Variants in PCDHA9 observed in about 807,000 individuals in gnomAD.
PCDHA9 encodes protocadherin alpha-9.
In PCDHA9, 62 loss-of-function variants were observed where a neutral mutation model predicts 62.0. The observed-to-expected ratio is 1.00, with a 90% CI of 0.81 to 1.23. The LOEUF is 1.23. PCDHA9 is among the 50% of genes most tolerant of loss of function. The pLI is 0.00. For synonymous variants in PCDHA9, 557 were observed against 567.6 expected, an observed-to-expected ratio of 0.98 and a Z score of 0.27; for missense variants, 1,205 against 1,249.8, an observed-to-expected ratio of 0.96 and a Z score of 0.54.
rs554327220 is a variant in PCDHA9 at position 140,980,560 on chromosome 5, G to T, written c.2453+1553G>T. Reference sequence around the variant, plus strand: ...CAGGAGAATCGCTTGAACCCGGGAGGCGGAAGTTGCAGTGAGCCAAGATCG... The same window carrying T: ...CAGGAGAATCGCTTGAACCCGGGAGTCGGAAGTTGCAGTGAGCCAAGATCG... On this transcript the variant is annotated intron_variant, in intron 2 of 3. Coordinates refer to ENST00000532602, the MANE Select transcript of PCDHA9 (RefSeq NM_031857.2). Among the ~76,000 whole-genome samples the T allele has an allele frequency of 1.6e-4, 25 of 152,244 alleles. No individual in the cohort carries two copies. The East Asian group carries it at 4.6e-3, about 28-fold the overall frequency.
chr5:140,871,710 C>T (rs1306052156), intron 1 of PCDHA9: 4 of 826,486 alleles, frequency 4.8e-6, no homozygotes, highest in East Asian at 2.8e-5. Flanking sequence ...AATAAATGTC[C>T]TATTTCTCTT....
intron 1 of PCDHA9, among the ~76,000 whole-genome samples, chr5:140,902,680 C>T (rs943072063): frequency 3.9e-5 from 6 of 152,094 alleles, no homozygotes; most frequent in Admixed American, 6.5e-5. Context: ...GTACACCGTA[C>T]CTAATATGTG....
intron 1 of PCDHA9, among the ~76,000 whole-genome samples, chr5:140,976,553 A>G (rs1554237789): frequency 1.3e-5 from 2 of 152,074 alleles, no homozygotes; most frequent in Non-Finnish European, 2.9e-5. Context: ...CCTATCTCAT[A>G]AATAAATAAA....
At chr5:141,001,473 G>A (rs1172395730) in intron 3 of PCDHA9, among the ~76,000 whole-genome samples, 1 of 152,220 alleles carries the variant, frequency 6.6e-6, no homozygotes, top group African/African-American at 2.4e-5. Flanking sequence ...AAGCAGCAGC[G>A]GGGAAGTGCT....
rs2150500536 is a variant in PCDHA9, at chr5:140,850,854, G to C, written c.2359G>C (p.Gly787Arg). Residue 787 changes from glycine to arginine, a missense_variant, in exon 1 of 4, where the codon GGA becomes CGA. Transcript: ENST00000532602. ...SPCAGSTERT[G>R]EPSASSDSTG... ...TTGTGCTGGATCTACAGAGCGAACG[G>C]GAGAACCCTCTGCTTCCTCAGATTC... 60 of 1,595,366 alleles carry C rather than the reference G, an allele frequency of 3.8e-5. 3 individuals carry two copies. In the South Asian group the frequency reaches 6.2e-4, roughly 16 times the overall value.
chr5:140,882,720 G>T, intron 1 of PCDHA9: 2 of 1,614,198 alleles, frequency 1.2e-6, no homozygotes, highest in Non-Finnish European at 1.7e-6. Context: ...CCGGAAACTC[G>T]ATTTCCACTA....
intron 1 of PCDHA9, among the ~76,000 whole-genome samples, chr5:140,895,314 G>A (rs2064960648): frequency 6.6e-6 from 1 of 151,858 alleles, no homozygotes; most frequent in Non-Finnish European, 1.5e-5. Context: ...TTCCACCCAT[G>A]ACTATTGTTC....
At chr5:140,960,853 T>C (rs1554225072) in intron 1 of PCDHA9, among the ~76,000 whole-genome samples, 2 of 152,214 alleles carry the variant, frequency 1.3e-5, no homozygotes, top group Non-Finnish European at 1.5e-5. Flanking sequence ...ATGGCAACTA[T>C]AAGCCAGAAA....
intron 1 of PCDHA9, among the ~76,000 whole-genome samples, chr5:140,924,409 T>C (rs1554201915): frequency 6.6e-6 from 1 of 152,186 alleles, no homozygotes; most frequent in Non-Finnish European, 1.5e-5. Flanking sequence ...TATATCACAG[T>C]GTGCCCTTTC....
intron 1 of PCDHA9, among the ~76,000 whole-genome samples, chr5:140,910,213 G>A (rs1375224674): frequency 6.6e-6 from 1 of 152,170 alleles, no homozygotes; most frequent in South Asian, 2.1e-4. Context: ...TGACCTGGAA[G>A]TTTTCTGCTT....
rs115129184 is a variant in PCDHA9, at chr5:140,964,722, A to G, written c.2395-14227A>G. 3.1e-3 allele frequency among the ~76,000 whole-genome samples: 468 copies of G among 152,140 alleles called. 3 individuals are homozygous for G. The highest frequency in any genetic ancestry group is 5.1e-3 in the Non-Finnish European group (346 of 67,996). On this transcript the variant is annotated intron_variant, in intron 1 of 3. Transcript: ENST00000532602. ...AAGGCCTCCGAGATCAAATTACCAC[A>G]GCAAACTGAGACAGAATTATTGTAG...
At chr5:140,887,284 G>T (rs1374515637) in intron 1 of PCDHA9, among the ~76,000 whole-genome samples, 1 of 152,044 alleles carries the variant, frequency 6.6e-6, no homozygotes, top group Non-Finnish European at 1.5e-5. Context: ...TTTTAGTAGA[G>T]ATGGGGTTTC....
intron 1 of PCDHA9, among the ~76,000 whole-genome samples, chr5:140,913,410 C>A (rs375204256): frequency 6.6e-6 from 1 of 152,040 alleles, no homozygotes; most frequent in Non-Finnish European, 1.5e-5. Flanking sequence ...CCTTTGAATT[C>A]CTGCAGTATC....
At chr5:140,883,876 C>A in intron 1 of PCDHA9, 1 of 1,613,214 alleles carries the variant, frequency 6.2e-7, no homozygotes, top group Non-Finnish European at 8.5e-7. Flanking sequence ...TCCAGGTGAG[C>A]GCGCGCGACT....
chr5:140,871,092 C>A (rs575877743), intron 1 of PCDHA9: 2 of 1,613,142 alleles, frequency 1.2e-6, no homozygotes, highest in Admixed American at 1.7e-5. Flanking sequence ...CCACGGCCAC[C>A]GTGCTGGTGT....
intron 1 of PCDHA9, among the ~76,000 whole-genome samples, chr5:140,977,306 C>T (rs995052680): frequency 6.6e-6 from 1 of 152,150 alleles, no homozygotes; most frequent in African/African-American, 2.4e-5. Context: ...GACAAGCTAA[C>T]GATAGTGCTC....
At chr5:140,980,713 C>T (rs1034858406) in intron 2 of PCDHA9, among the ~76,000 whole-genome samples, 2 of 151,366 alleles carry the variant, frequency 1.3e-5, no homozygotes, top group Non-Finnish European at 2.9e-5. Flanking sequence ...TGCTCCTATT[C>T]GGGTTTCAAT....
At chr5:140,895,267 T>G (rs2064938299) in intron 1 of PCDHA9, among the ~76,000 whole-genome samples, 1 of 152,162 alleles carries the variant, frequency 6.6e-6, no homozygotes. Flanking sequence ...TTTTTCTTAC[T>G]CAGGGATAAT....
chr5:140,931,319 T>A (rs1237988294), intron 1 of PCDHA9, among the ~76,000 whole-genome samples: 3 of 152,086 alleles, frequency 2.0e-5, no homozygotes, highest in Non-Finnish European at 4.4e-5. Flanking sequence ...ATACCAGTAA[T>A]GGCTGTAAAG....
Sources: gnomAD v4.1 joint callset for allele counts (sites outside exome capture counted in the v4.1 genomes callset) on GRCh38, gnomAD v4.1.1 for gene constraint, MANE v1.5 for transcripts, NCBI Gene and HGNC (gene_info 2026-07-23, HGNC 2026-07-21) for gene names.